Variants in MINAR1 observed in about 807,000 individuals in gnomAD.
The protein encoded by MINAR1 is major intrinsically disordered Notch2-binding receptor 1.
MINAR1 carries 40 observed loss-of-function variants against 65.1 expected under a neutral mutation model. The ratio of observed to expected loss-of-function variants is 0.61; its 90% CI spans 0.48 to 0.80. MINAR1 has a LOEUF of 0.80. Among genes scored for constraint, MINAR1 ranks in the 30% least tolerant of loss-of-function variants. The probability of loss-of-function intolerance (pLI) is 0.00; values close to 1 mark genes in which losing one functional copy is unlikely to be tolerated. For synonymous variants in MINAR1, 482 were observed against 449.1 expected (o/e 1.07, Z -0.93); for missense variants, 1,128 against 1,148.0 (o/e 0.98, Z 0.25).
chr15:79,463,024 G>A (rs1484324111), intron 2 of MINAR1, 43 bp from the exon 3 acceptor site: 10 of 1,576,454 alleles, frequency 6.3e-6, no homozygotes, highest in Non-Finnish European at 8.7e-6. Flanking sequence ...AAATCCAAGG[G>A]CAACTGTGCC....
At chr15:79,411,486 A>G in the MINAR1 span, 1 of 702,326 alleles carries the variant, frequency 1.4e-6, no homozygotes, top group African/African-American at 1.7e-5. Flanking sequence ...AGGGACTGGG[A>G]CGACTGGCAC....
chr15:79,449,103 A>G (rs79604959), intron 1 of MINAR1, among the ~76,000 whole-genome samples: 2,415 of 152,294 alleles, frequency 0.016, 58 homozygotes, highest in East Asian at 0.11. Flanking sequence ...ACTACAGACT[A>G]TTACCTAGTG....
intron 1 of MINAR1, among the ~76,000 whole-genome samples, chr15:79,432,839 G>A (rs1567047437): frequency 6.6e-6 from 1 of 152,202 alleles, no homozygotes; most frequent in East Asian, 1.9e-4. Flanking sequence ...AGATGATCAT[G>A]CAGTTTGGGG....
intron 1 of MINAR1, among the ~76,000 whole-genome samples, chr15:79,440,745 C>T (rs1185323765): frequency 6.6e-6 from 1 of 152,174 alleles, no homozygotes; most frequent in African/African-American, 2.4e-5. Context: ...CTTTCCCCTG[C>T]GCCTCCTCTG....
At chr15:79,416,629 A>G in the MINAR1 span, 1 of 152,218 alleles carries the variant, frequency 6.6e-6, no homozygotes, top group Non-Finnish European at 1.5e-5. Context: ...GAAACTCATT[A>G]TGCAAATAAT....
At chr15:79,433,866 A>G (rs1258496931) in intron 1 of MINAR1, among the ~76,000 whole-genome samples, 1 of 152,152 alleles carries the variant, frequency 6.6e-6, no homozygotes, top group Non-Finnish European at 1.5e-5. Flanking sequence ...CGGCGGCAAT[A>G]TTTTGGGTAT....
intron 1 of MINAR1, among the ~76,000 whole-genome samples, chr15:79,450,238 C>G (rs555746855): frequency 6.6e-6 from 1 of 152,300 alleles, no homozygotes; most frequent in South Asian, 2.1e-4. Flanking sequence ...TCACTGTGGT[C>G]CCATCCAGCC....
chr15:79,468,131 C>G (rs894964189), intron 3 of MINAR1, 56 bp from the exon 4 acceptor site: 1 of 1,462,542 alleles, frequency 6.8e-7, no homozygotes, highest in African/African-American at 1.4e-5. Flanking sequence ...GTCGGGACGT[C>G]TTTGACCTGA....
chr15:79,457,703 G>C lies in MINAR1; in HGVS notation c.1556G>C (p.Ser519Thr). 1.3e-5 allele frequency: 21 copies of C among 1,614,190 alleles called. No homozygotes were observed. Among genetic ancestry groups the C allele is most frequent in the Non-Finnish European group, 1.7e-5 (20 of 1,180,028 alleles). Reference protein sequence around the residue: ...DDSEIVSDDISDIFRFLDDMS... With the variant: ...DDSEIVSDDITDIFRFLDDMS... Reference sequence around the variant, plus strand: ...TCAGAAATTGTCAGCGACGACATCAGTGACATTTTCCGATTTCTTGATGAC... The same window carrying C: ...TCAGAAATTGTCAGCGACGACATCACTGACATTTTCCGATTTCTTGATGAC... Residue 519 changes from serine (S) to threonine (T), a missense_variant, in exon 2 of 4, where the codon AGT (serine) becomes ACT (threonine). Transcript: ENST00000305428.
intron 1 of MINAR1, among the ~76,000 whole-genome samples, chr15:79,433,727 A>C (rs1269405484): frequency 6.6e-6 from 1 of 152,158 alleles, no homozygotes; most frequent in Non-Finnish European, 1.5e-5. Context: ...TCTCTGATGG[A>C]GAGGGACGGT....
At position 79,457,214 on chromosome 15, in the gene MINAR1, G is replaced by A; in HGVS notation, c.1067G>A (p.Gly356Glu). ...ACCCAAGAAGCCAGGCGCTGTCTAG[G>A]GAAGCCCAACAAGCAGACTCCCTGG... The part of the protein sequence containing the change: ...MGTQEARRCL[G>E]KPNKQTPWPA... The change falls in exon 2 of 4, where the codon GGG becomes GAG. Residue 356 changes from glycine (G) to glutamate (E), a missense_variant. Coordinates refer to ENST00000305428, the MANE Select transcript of MINAR1 (RefSeq NM_015206.3). The A allele has an allele frequency of 6.2e-7, 1 of 1,614,076 alleles. No individual in the cohort carries two copies.
chr15:79,452,707 A>AGTCT (rs771124219), intron 1 of MINAR1, among the ~76,000 whole-genome samples: 1 of 62,092 alleles, frequency 1.6e-5, no homozygotes, highest in African/African-American at 7.8e-5. Context: ...TGTCTGGATG[A>AGTCT]GTGTGTGGGT....
intron 3 of MINAR1, chr15:79,463,897 G>A: frequency 2.6e-6 from 1 of 380,976 alleles, no homozygotes; most frequent in Admixed American, 3.1e-5. Context: ...TTCACACTGG[G>A]TTGATCTGTG....
chr15:79,444,771 T>TAA (rs34673288), intron 1 of MINAR1, among the ~76,000 whole-genome samples: 5,068 of 148,326 alleles, frequency 0.034, 287 homozygotes, highest in African/African-American at 0.12. Flanking sequence ...TACCTTATTG[T>TAA]AAAAAAAAAA....
At chr15:79,460,984 C>G (rs1307719590) in intron 2 of MINAR1, among the ~76,000 whole-genome samples, 1 of 152,224 alleles carries the variant, frequency 6.6e-6, no homozygotes, top group Non-Finnish European at 1.5e-5. Context: ...TGGTCCACCT[C>G]CCCTGTACTG....
rs905627747 is a variant in MINAR1, at chr15:79,453,107, G to A, written c.-50-2991G>A. On this transcript the variant is annotated intron_variant, in intron 1 of 3. Coordinates refer to ENST00000305428, the MANE Select transcript of MINAR1 (RefSeq NM_015206.3). ...TGTGATGCATTATGCTCTGAGTGGA[G>A]TTTCTCTAGCCTCCTTTTCCTCATT... Among the ~76,000 whole-genome samples the A allele has an allele frequency of 3.3e-5, 5 of 151,952 alleles. No individual in the cohort carries two copies. In the East Asian group the frequency reaches 9.7e-4, roughly 29 times the overall value.
rs1246735309 is a variant in MINAR1, at chr15:79,463,319, C to A, written c.2551C>A (p.Gln851Lys). ...DKGKLTALDL[Q>K]TQESLNPNNL... is the part of the protein sequence containing the mutation. ...GGGCAAGCTGACAGCCCTGGACCTG[C>A]AGGTGAGCCTCTCACTGTCCCTGGG... Residue 851 changes from glutamine to lysine, a missense_variant and splice_region_variant, in exon 3 of 4, where the codon CAG (glutamine) becomes AAG (lysine). Coordinates refer to ENST00000305428, the MANE Select transcript of MINAR1 (RefSeq NM_015206.3). 6 of 1,611,260 alleles carry A rather than the reference C, an allele frequency of 3.7e-6. No individual in the cohort carries two copies. The highest frequency in any genetic ancestry group is 2.2e-5 in the East Asian group (1 of 44,792).
intron 1 of MINAR1, among the ~76,000 whole-genome samples, chr15:79,448,334 T>C (rs1595938930): frequency 6.6e-6 from 1 of 152,234 alleles, no homozygotes; most frequent in African/African-American, 2.4e-5. Context: ...TTTAGCAATT[T>C]TTTTGTGGAA....
intron 2 of MINAR1, among the ~76,000 whole-genome samples, chr15:79,460,539 T>C (rs1291864171): frequency 2.0e-5 from 3 of 151,796 alleles, no homozygotes; most frequent in Admixed American, 6.5e-5. Context: ...TTTGCAACTC[T>C]GCCTTCTTTT....
Sources: allele counts gnomAD v4.1 joint callset (sites outside exome capture counted in the v4.1 genomes callset), GRCh38; gene constraint gnomAD v4.1.1; transcripts MANE v1.5; gene names NCBI Gene and HGNC (gene_info 2026-07-23, HGNC 2026-07-21).